CPSF2: variants seen among roughly 807,000 people sequenced by gnomAD.
CPSF2 encodes cleavage and polyadenylation specific factor 2, also known as cleavage and polyadenylation specificity factor subunit 2.
In CPSF2, 51 loss-of-function variants were observed where a neutral mutation model predicts 84.2. That is an observed-to-expected ratio of 0.61 (90% CI 0.48 to 0.77). The LOEUF is 0.77. Ranked by LOEUF, CPSF2 falls within the 30% of genes least tolerant of loss-of-function variation. The pLI is 0.00. For missense variants in CPSF2, 641 were observed against 929.4 expected (o/e 0.69, Z 4.03); for synonymous variants, 286 against 311.9 (o/e 0.92, Z 0.87).
At position 92,169,245 on chromosome 14, in the gene CPSF2, G is replaced by T. The variant is rs962420508; in HGVS notation, c.*7501G>T. ...ATTTAATAAGCTTGTTAGGAATATT[G>T]TAAATTATTTTAGAAACACATTGTG... On this transcript the variant is annotated 3_prime_UTR_variant, in exon 16 of 16. Transcript: ENST00000298875. The T allele has an allele frequency of 6.6e-6, 1 of 152,226 alleles. No homozygotes were observed. Among genetic ancestry groups the T allele is most frequent in the Non-Finnish European group, 1.5e-5 (1 of 68,036 alleles). 9.4% of individuals were successfully genotyped at this position (152,226 alleles called of 1,614,324 possible).
chr14:92,136,358 C>A (rs2068998885), intron 6 of CPSF2, among the ~76,000 whole-genome samples: 1 of 152,148 alleles, frequency 6.6e-6, no homozygotes, highest in Non-Finnish European at 1.5e-5. Context: ...GGGTCGTGAT[C>A]AACTCAGTAT....
chr14:92,165,799 T>C lies in CPSF2; in HGVS notation c.*4055T>C, dbSNP rs188000439. The C allele has an allele frequency of 2.0e-5, 3 of 151,678 alleles. No individual in the cohort carries two copies. Among genetic ancestry groups the C allele is most frequent in the Non-Finnish European group, 4.4e-5 (3 of 67,924 alleles). The allele number at this position is 151,678 out of a possible 1,614,324, so 9.4% of individuals were successfully genotyped here. The stretch of plus-strand genomic sequence containing the variant: ...GTTTGAAGCACAAAAGTTTTTAATT[T>C]TGATAAAGTCCAGTTTGTTTTTTTC... On this transcript the variant is annotated 3_prime_UTR_variant, in exon 16 of 16. Transcript: ENST00000298875.
Position 92,159,266 on chromosome 14 carries a change from C to G in CPSF2, c.2105C>G (p.Pro702Arg). 1.3e-6 allele frequency: 2 copies of G among 1,594,684 alleles called. No individual in the cohort carries two copies. Among genetic ancestry groups the G allele is most frequent in the Non-Finnish European group, 1.7e-6 (2 of 1,169,240 alleles). Residue 702 changes from proline (P) to arginine (R), a missense_variant, in exon 14 of 16, where the codon CCC becomes CGC. Coordinates refer to ENST00000298875, the MANE Select transcript of CPSF2 (RefSeq NM_017437.3). ...EESEIIPTLEPLPPHEVPGHQ... is the reference protein window; with the variant it reads ...EESEIIPTLERLPPHEVPGHQ... Reference sequence around the variant, plus strand: ...AGTGAGATCATTCCTACTTTGGAACCCTTGCCACCTCATGAGGTAAAAAAA... The same window carrying G: ...AGTGAGATCATTCCTACTTTGGAACGCTTGCCACCTCATGAGGTAAAAAAA...
rs1388343174 is a variant in CPSF2, at chr14:92,122,032, G to A, written c.-190G>A. 3 of 594,926 alleles carry A rather than the reference G, an allele frequency of 5.0e-6. No homozygotes were observed. The highest frequency in any genetic ancestry group is 2.9e-5 in the East Asian group (1 of 34,408). The allele number at this position is 594,926 out of a possible 1,614,324, so 36.9% of individuals were successfully genotyped here. A position where few individuals can be genotyped will look rare whatever the true frequency, so the allele number is the denominator to read the frequency against. Reference sequence around the variant, plus strand: ...GGCTTCTGCCGGCCGGTAGTCCCTGGCGCTGCTGACCCAGCATCGGCTTTT... The same window carrying A: ...GGCTTCTGCCGGCCGGTAGTCCCTGACGCTGCTGACCCAGCATCGGCTTTT... On this transcript the variant is annotated 5_prime_UTR_variant, in exon 1 of 16. The change creates a premature stop within an existing upstream ORF in the 5' untranslated region. Coordinates refer to ENST00000298875, the MANE Select transcript of CPSF2 (RefSeq NM_017437.3).
At position 92,163,141 on chromosome 14, in the gene CPSF2, C is replaced by A. The variant is rs986202968; in HGVS notation, c.*1397C>A. ...CTGGTCTCAAACTCCTGACCTCAAGCGATCCACCCACCTAGGCCTCCCAAA... is the reference window on the plus strand; with the variant it reads ...CTGGTCTCAAACTCCTGACCTCAAGAGATCCACCCACCTAGGCCTCCCAAA... On this transcript the variant is annotated 3_prime_UTR_variant, in exon 16 of 16. Transcript: ENST00000298875. 1.3e-5 allele frequency: 2 copies of A among 152,066 alleles called. No individual in the cohort carries two copies. Among genetic ancestry groups the A allele is most frequent in the African/African-American group, 4.8e-5 (2 of 41,392 alleles). The allele number at this position is 152,066 out of a possible 1,614,324, so 9.4% of individuals were successfully genotyped here.
Position 92,162,232 on chromosome 14 carries a change from C to G in CPSF2, c.*488C>G, listed in dbSNP as rs2069384519. ...TTTTAAAAGCATACGTGCTATGACT[C>G]TCTCCAGTTTGAATATGCAATTGTT... On this transcript the variant is annotated 3_prime_UTR_variant, in exon 16 of 16. Transcript: ENST00000298875. The G allele has an allele frequency of 6.6e-6, 1 of 152,546 alleles. No homozygotes were observed. The highest frequency in any genetic ancestry group is 1.9e-4 in the East Asian group (1 of 5,200). The allele number at this position is 152,546 out of a possible 1,614,324, so 9.4% of individuals were successfully genotyped here. A position where few individuals can be genotyped will look rare whatever the true frequency, so the allele number is the denominator to read the frequency against.
chr14:92,147,547 T>G (rs957099475), intron 9 of CPSF2, among the ~76,000 whole-genome samples: 7 of 152,170 alleles, frequency 4.6e-5, no homozygotes, highest in Non-Finnish European at 8.8e-5. Context: ...AGGCATAAAC[T>G]AAATCACAGA....
chr14:92,145,273 A>AC (rs1291907811), intron 9 of CPSF2, among the ~76,000 whole-genome samples: 1 of 152,120 alleles, frequency 6.6e-6, no homozygotes, highest in Non-Finnish European at 1.5e-5. Flanking sequence ...TCACTCTGTC[A>AC]CCCAGCCTGG....
At position 92,146,915 on chromosome 14, in the gene CPSF2, C is replaced by T. The variant is rs114037097; in HGVS notation, c.1140+3621C>T. On this transcript the variant is annotated intron_variant, in intron 9 of 15. Transcript: ENST00000298875. ...CCTATAGTGTTCTTTCCTGGCTTTG[C>T]GCATGGCTGGCTCCTGGTCATTCAG... Among the ~76,000 whole-genome samples, 329 of 152,280 alleles carry T rather than the reference C, an allele frequency of 2.2e-3. 2 individuals are homozygous for T. The highest frequency in any genetic ancestry group is 7.3e-3 in the African/African-American group (303 of 41,552).
Position 92,157,570 on chromosome 14 carries a change from C to T in CPSF2, c.1596-89C>T. 1.3e-6 allele frequency: 1 copy of T among 756,352 alleles called. No individual in the cohort carries two copies. The highest frequency in any genetic ancestry group is 1.8e-5 in the South Asian group (1 of 55,714). The allele number at this position is 756,352 out of a possible 1,614,324, so 46.9% of individuals were successfully genotyped here. Reference sequence around the variant, plus strand: ...ACTATAACATGTGTATTTCTCAAATCCTAGTGTTATATATTGTATACATGA... The same window carrying T: ...ACTATAACATGTGTATTTCTCAAATTCTAGTGTTATATATTGTATACATGA... On this transcript the variant is annotated intron_variant, in intron 12 of 15. Coordinates refer to ENST00000298875, the MANE Select transcript of CPSF2 (RefSeq NM_017437.3). This position sits in a 1 kb window ranked among gnomAD's most constrained non-coding sequence, Gnocchi z 4.0.
chr14:92,131,068 T>C lies in CPSF2; in HGVS notation c.84T>C (p.Phe28=), dbSNP rs1343126037. ...ALCYLLQVDE[F]RFLLDCGWDE... Reference sequence around the variant, plus strand: ...GCTATCTTCTCCAAGTTGATGAGTTTAGATTTTTATTGGACTGTGGCTGGG... The same window carrying C: ...GCTATCTTCTCCAAGTTGATGAGTTCAGATTTTTATTGGACTGTGGCTGGG... Residue 28 remains phenylalanine, a synonymous_variant, in exon 3 of 16, where the codon TTT becomes TTC. Coordinates refer to ENST00000298875, the MANE Select transcript of CPSF2 (RefSeq NM_017437.3). 1.5e-5 allele frequency: 25 copies of C among 1,613,092 alleles called. No individual in the cohort carries two copies. The East Asian group carries it at 2.7e-4, about 17-fold the overall frequency.
rs2069416144 is a variant in CPSF2, at chr14:92,164,342, A to C, written c.*2598A>C. ...TTGCCTTAAGATGGCTGTGCTAAAT[A>C]ATAATCATTGCAAGAGCAATACTTT... is the stretch of plus-strand genomic sequence containing the variant. On this transcript the variant is annotated 3_prime_UTR_variant, in exon 16 of 16. Coordinates refer to ENST00000298875, the MANE Select transcript of CPSF2 (RefSeq NM_017437.3). 1 of 152,250 alleles carries C rather than the reference A, an allele frequency of 6.6e-6. No individual in the cohort carries two copies. Among genetic ancestry groups the C allele is most frequent in the South Asian group, 2.1e-4 (1 of 4,834 alleles). 9.4% of individuals were successfully genotyped at this position (152,250 alleles called of 1,614,324 possible). A position where few individuals can be genotyped will look rare whatever the true frequency, so the allele number is the denominator to read the frequency against.
chr14:92,161,575 T>G, intron 15 of CPSF2, 77 bp from the exon 16 acceptor site: 1 of 971,952 alleles, frequency 1.0e-6, no homozygotes, highest in Non-Finnish European at 1.5e-6. Context: ...GTAATCTATT[T>G]CATATATTTC....
intron 14 of CPSF2, among the ~76,000 whole-genome samples, chr14:92,160,247 G>A (rs188541024): frequency 4.3e-4 from 66 of 152,342 alleles, no homozygotes; most frequent in Non-Finnish European, 1.6e-4. Flanking sequence ...ACAGGCGTGA[G>A]CCAATGCACC....
chr14:92,136,385 T>C lies in CPSF2; in HGVS notation c.545+889T>C, dbSNP rs1019750091. Among the ~76,000 whole-genome samples, 5 of 152,312 alleles carry C rather than the reference T, an allele frequency of 3.3e-5. No individual in the cohort carries two copies. The East Asian group carries it at 7.7e-4, about 23-fold the overall frequency. On this transcript the variant is annotated intron_variant, in intron 6 of 15. Coordinates refer to ENST00000298875, the MANE Select transcript of CPSF2 (RefSeq NM_017437.3). ...ACTCAGTATACCACTGGAGGCTATA[T>C]GAGTAAACAGCAAACTGTTCGCATA... is the stretch of plus-strand genomic sequence containing the variant.
intron 9 of CPSF2, among the ~76,000 whole-genome samples, 167 bp downstream of exon 9, chr14:92,143,461 G>T (rs572656040): frequency 1.3e-5 from 2 of 152,054 alleles, no homozygotes; most frequent in South Asian, 2.1e-4. Context: ...CCAGCTACTC[G>T]GGAGGCTGAG....
intron 13 of CPSF2, 77 bp from the exon 14 acceptor site, chr14:92,158,906 A>T: frequency 7.6e-7 from 1 of 1,312,638 alleles, no homozygotes; most frequent in Non-Finnish European, 1.0e-6. Context: ...GAGGTAGAAA[A>T]TGATAATAGG....
chr14:92,154,555 C>T (rs1461406550), intron 10 of CPSF2, 97 bp downstream of exon 10: 6 of 826,126 alleles, frequency 7.3e-6, no homozygotes, highest in Admixed American at 3.1e-5. Flanking sequence ...TTTAAATTTT[C>T]GTAAGACTTA....
chr14:92,133,312 G>C (rs969554580), intron 3 of CPSF2, among the ~76,000 whole-genome samples: 11 of 150,448 alleles, frequency 7.3e-5, no homozygotes, highest in Admixed American at 1.3e-4. Flanking sequence ...CCAGCTACTC[G>C]GGAGGCTGAG....
Sources: allele counts gnomAD v4.1 joint callset (sites outside exome capture counted in the v4.1 genomes callset), GRCh38; gene constraint gnomAD v4.1.1; non-coding constraint Gnocchi (gnomAD v3.1); transcripts MANE v1.5; gene names NCBI Gene and HGNC (gene_info 2026-07-23, HGNC 2026-07-21).